The following CNTN4 variants were observed in gnomAD, a reference collection of about 807,000 sequenced individuals.
CNTN4 encodes contactin-4.
Under a neutral mutation model 122.5 loss-of-function variants are expected in CNTN4, and 77 were observed. The ratio of observed to expected loss-of-function variants is 0.63; its 90% CI spans 0.52 to 0.76. The LOEUF (loss-of-function observed/expected upper bound fraction) is 0.76, where lower values mean the gene tolerates loss of function less well. CNTN4 is among the 30% of genes least tolerant of loss of function. The pLI is 0.00. For synonymous variants in CNTN4, 512 were observed against 447.0 expected, an observed-to-expected ratio of 1.15 and a Z score of -1.83; for missense variants, 1,256 against 1,259.1, an observed-to-expected ratio of 1.00 and a Z score of 0.04.
chr3:2,142,124 G>C (rs2035024101), intron 2 of CNTN4, among the ~76,000 whole-genome samples: 1 of 152,138 alleles, frequency 6.6e-6, no homozygotes, highest in African/African-American at 2.4e-5. Context: ...TTTAGCATGG[G>C]GCTATTTCGA....
At chr3:2,525,569 C>T (rs541284678) in intron 3 of CNTN4, among the ~76,000 whole-genome samples, 1 of 152,234 alleles carries the variant, frequency 6.6e-6, no homozygotes, top group African/African-American at 2.4e-5. Flanking sequence ...TATGTTACTT[C>T]AATGTTGAAC....
chr3:3,027,966 T>A (rs1239088053), intron 15 of CNTN4, among the ~76,000 whole-genome samples: 2 of 152,280 alleles, frequency 1.3e-5, no homozygotes, highest in Admixed American at 1.3e-4. Context: ...CCAATCAACT[T>A]CTGCTGAGAA....
chr3:2,519,870 G>T (rs548753341), intron 3 of CNTN4, among the ~76,000 whole-genome samples: 1 of 152,074 alleles, frequency 6.6e-6, no homozygotes, highest in Admixed American at 6.6e-5. Flanking sequence ...AAAAATATGC[G>T]GATTCACATC....
chr3:2,819,620 C>G lies in CNTN4; in HGVS notation c.454+39C>G, dbSNP rs372398969. 7.0e-5 allele frequency: 98 copies of G among 1,396,048 alleles called. No individual in the cohort carries two copies. In the African/African-American group the frequency reaches 1.3e-3, roughly 18 times the overall value. 86.5% of individuals were successfully genotyped at this position (1,396,048 alleles called of 1,614,324 possible). The stretch of plus-strand genomic sequence containing the variant: ...AACTGACATATGCATGCTTCACTCT[C>G]TGTTATTTTTCTTCCTCAATGTTCT... On this transcript the variant is annotated intron_variant, in intron 7 of 24. Transcript: ENST00000418658.
intron 4 of CNTN4, among the ~76,000 whole-genome samples, chr3:2,611,313 G>GAAAAAAAA (rs1370397110): frequency 8.8e-6 from 1 of 113,602 alleles, no homozygotes; most frequent in Non-Finnish European, 1.7e-5. Context: ...AAAAAAAAAA[G>GAAAAAAAA]AAAGAAAGAA....
intron 4 of CNTN4, among the ~76,000 whole-genome samples, chr3:2,706,432 T>G (rs2086742389): frequency 6.6e-6 from 1 of 152,042 alleles, no homozygotes; most frequent in Non-Finnish European, 1.5e-5. Flanking sequence ...CATATAGAGG[T>G]GGTTGTATTG....
intron 12 of CNTN4, among the ~76,000 whole-genome samples, chr3:2,912,525 CA>C (rs1039827400): frequency 6.6e-6 from 1 of 151,972 alleles, no homozygotes; most frequent in Non-Finnish European, 1.5e-5. Context: ...AACATACAGA[CA>C]AATATAAAAT....
chr3:2,672,970 T>C (rs2084622040), intron 4 of CNTN4, among the ~76,000 whole-genome samples: 1 of 152,204 alleles, frequency 6.6e-6, no homozygotes. Flanking sequence ...TGCAATTTGA[T>C]AACTACAATA....
chr3:2,785,313 A>C (rs1463009553), intron 6 of CNTN4, among the ~76,000 whole-genome samples: 1 of 152,138 alleles, frequency 6.6e-6, no homozygotes, highest in Admixed American at 6.5e-5. Context: ...GATAGTGTAA[A>C]TTCCAGGCCA....
chr3:2,381,095 T>C (rs1389021979), intron 3 of CNTN4, among the ~76,000 whole-genome samples: 5 of 151,986 alleles, frequency 3.3e-5, no homozygotes, highest in African/African-American at 9.7e-5. Context: ...AACCTCTGCC[T>C]TCTGGGTTCC....
intron 4 of CNTN4, among the ~76,000 whole-genome samples, chr3:2,576,465 T>C (rs7651577): frequency 0.016 from 2,488 of 152,294 alleles, 61 homozygotes; most frequent in African/African-American, 0.056. Flanking sequence ...GTATTAAAAT[T>C]GGTCTGTGTG....
chr3:2,328,361 G>A (rs78199799), intron 2 of CNTN4, among the ~76,000 whole-genome samples: 50,329 of 146,602 alleles, frequency 0.34, 9,837 homozygotes, highest in East Asian at 0.78. Context: ...AGCCAAGATG[G>A]CGCCACCGCC....
intron 4 of CNTN4, among the ~76,000 whole-genome samples, chr3:2,668,850 A>G (rs553843975): frequency 6.6e-6 from 1 of 151,672 alleles, no homozygotes; most frequent in South Asian, 2.1e-4. Flanking sequence ...GTTGAGATAA[A>G]CGTGGTTTTT....
chr3:2,951,464 C>CT (rs2094743601), intron 13 of CNTN4, among the ~76,000 whole-genome samples: 1 of 152,214 alleles, frequency 6.6e-6, no homozygotes. Context: ...CTCTCACCTC[C>CT]TGCTGTGCCA....
At chr3:2,328,870 T>G (rs2043589283) in intron 2 of CNTN4, among the ~76,000 whole-genome samples, 1 of 152,120 alleles carries the variant, frequency 6.6e-6, no homozygotes, top group African/African-American at 2.4e-5. Flanking sequence ...CAATCCCATG[T>G]GGATACCAAG....
intron 3 of CNTN4, among the ~76,000 whole-genome samples, chr3:2,413,716 G>T (rs2047312260): frequency 6.6e-6 from 1 of 151,702 alleles, no homozygotes; most frequent in Non-Finnish European, 1.5e-5. Context: ...GCTAATTTTT[G>T]TATTTTTAGT....
intron 2 of CNTN4, among the ~76,000 whole-genome samples, chr3:2,287,696 A>AGAGGAAGAG (rs1559415818): frequency 1.5e-5 from 1 of 68,268 alleles, no homozygotes; most frequent in Non-Finnish European, 2.9e-5. Flanking sequence ...AAGAAGAGGA[A>AGAGGAAGAG]GAAGAAGAAG....
chr3:2,208,228 G>A (rs1179903899), intron 2 of CNTN4, among the ~76,000 whole-genome samples: 3 of 152,050 alleles, frequency 2.0e-5, no homozygotes, highest in Admixed American at 1.3e-4. Context: ...ACATTTTTGC[G>A]AATCAAAGGA....
Position 2,849,928 on chromosome 3 carries a change from A to T in CNTN4, c.455-16824A>T, listed in dbSNP as rs113621905. On this transcript the variant is annotated intron_variant, in intron 7 of 24. Coordinates refer to ENST00000418658, the MANE Select transcript of CNTN4 (RefSeq NM_175607.3). The stretch of plus-strand genomic sequence containing the variant: ...CCTGGTCTCATGGTTTTTCATGAGA[A>T]GCCGTATGTGTGGAATCTTATATGA... 9.2e-5 allele frequency among the ~76,000 whole-genome samples: 14 copies of T among 152,160 alleles called. 2 individuals are homozygous for T. Among genetic ancestry groups the T allele is most frequent in the African/African-American group, 3.1e-4 (13 of 41,508 alleles).
Sources: gnomAD v4.1 joint callset for allele counts (sites outside exome capture counted in the v4.1 genomes callset) on GRCh38, gnomAD v4.1.1 for gene constraint, MANE v1.5 for transcripts, NCBI Gene and HGNC (gene_info 2026-07-23, HGNC 2026-07-21) for gene names.